Variants in PCDHGB3 observed in about 807,000 individuals in gnomAD.
PCDHGB3 encodes the protein protocadherin gamma subfamily B, 3, also known as protocadherin gamma-B3.
A neutral mutation model predicts 59.2 loss-of-function variants in PCDHGB3; 40 were observed. The observed-to-expected ratio is 0.68, with a 90% CI of 0.52 to 0.88. The LOEUF (loss-of-function observed/expected upper bound fraction) is 0.88. Among genes scored for constraint, PCDHGB3 ranks in the 40% least tolerant of loss-of-function variants. The pLI, the probability that PCDHGB3 is intolerant of heterozygous loss-of-function variation, is 0.00. For missense variants in PCDHGB3, 1,309 were observed against 1,187.9 expected (o/e 1.10, Z -1.50); for synonymous variants, 581 against 503.6 (o/e 1.15, Z -2.06).
At chr5:141,419,542 G>C (rs771168003) in intron 1 of PCDHGB3, 3 of 1,612,016 alleles carry the variant, frequency 1.9e-6, no homozygotes, top group South Asian at 2.2e-5. Flanking sequence ...ACGCACCGCG[G>C]GTGCTGTACC....
Position 141,490,743 on chromosome 5 carries a change from C to T in PCDHGB3, c.2416-4064C>T, listed in dbSNP as rs1011278142. 7.4e-6 allele frequency: 12 copies of T among 1,614,058 alleles called. No homozygotes were observed. The highest frequency in any genetic ancestry group is 1.0e-5 in the Non-Finnish European group (12 of 1,180,038). On this transcript the variant is annotated intron_variant, in intron 1 of 3. Transcript: ENST00000576222. This position sits in a 1 kb window ranked among gnomAD's most constrained non-coding sequence, Gnocchi z 5.4. ...TTGTAGGAAATCAGGTTCAGGGAGC[C>T]CCAGCCTCCTCCTTTGTGTATGTCA...
Position 141,370,773 on chromosome 5 carries a change from A to G in PCDHGB3, c.379A>G (p.Asn127Asp). 1.2e-6 allele frequency: 2 copies of G among 1,614,002 alleles called. No homozygotes were observed. Among genetic ancestry groups the G allele is most frequent in the Non-Finnish European group, 1.7e-6 (2 of 1,179,898 alleles). Residue 127 changes from asparagine (N) to aspartate (D), a missense_variant, in exon 1 of 4, where the codon AAC becomes GAC. Physicochemically the swap from Asn to Asp is conservative, Grantham distance 23. Transcript: ENST00000576222. ...TGTAACTGTGCTGATCCAGGATATT[A>G]ACGACAACCCACCGACCTTTAGCCA... ...FHVTVLIQDI[N>D]DNPPTFSQNI...
At position 141,490,208 on chromosome 5, in the gene PCDHGB3, G is replaced by A. The variant is rs745796427; in HGVS notation, c.2416-4599G>A. On this transcript the variant is annotated intron_variant, in intron 1 of 3. Coordinates refer to ENST00000576222, the MANE Select transcript of PCDHGB3 (RefSeq NM_018924.5). The surrounding 1 kb of genome is among the most constrained non-coding windows in gnomAD (Gnocchi z 5.4). ...TTCTATGAAATTCATGCAAGAGCCC[G>A]TGACCAGGGACAGCCTGCCATGGAG... 44 of 1,614,120 alleles carry A rather than the reference G, an allele frequency of 2.7e-5. No individual in the cohort carries two copies. The Admixed American group carries it at 4.5e-4, about 17-fold the overall frequency.
In PCDHGB3 at chr5:141,389,258, C is replaced by T. The variant is rs373970987; in HGVS notation, c.2415+16449C>T. The stretch of plus-strand genomic sequence containing the variant: ...TCTCACAGTCTTCCTATATAGTCCA[C>T]GTGGCCGAGAACAACCCGCCTGGAG... On this transcript the variant is annotated intron_variant, in intron 1 of 3. Coordinates refer to ENST00000576222, the MANE Select transcript of PCDHGB3 (RefSeq NM_018924.5). 4 of 1,614,022 alleles carry T rather than the reference C, an allele frequency of 2.5e-6. No homozygotes were observed. The African/African-American group carries it at 4.0e-5, about 16-fold the overall frequency.
At chr5:141,392,956 T>A (rs769377200) in intron 1 of PCDHGB3, 3 of 1,613,820 alleles carry the variant, frequency 1.9e-6, no homozygotes, top group South Asian at 1.1e-5. Context: ...GTGGGTAATA[T>A]CTCCAAGGAC....
rs377701820 is a variant in PCDHGB3 at position 141,422,031 on chromosome 5, G to A, written c.2415+49222G>A. On this transcript the variant is annotated intron_variant, in intron 1 of 3. Coordinates refer to ENST00000576222, the MANE Select transcript of PCDHGB3 (RefSeq NM_018924.5). ...CTCGGGTGCTGATGGTTAATGCAAC[G>A]GATCCAGACGAGGGAATCAACGGGG... 127 of 1,610,494 alleles carry A rather than the reference G, an allele frequency of 7.9e-5. No individual in the cohort carries two copies. In the East Asian group the frequency reaches 2.4e-3, roughly 31 times the overall value.
intron 1 of PCDHGB3, chr5:141,417,867 G>C (rs1182017096): frequency 1.9e-6 from 3 of 1,552,610 alleles, no homozygotes; most frequent in African/African-American, 2.7e-5. Flanking sequence ...ACGATGGGAG[G>C]GAGCTGCGCG....
Position 141,371,830 on chromosome 5 carries a change from C to A in PCDHGB3, c.1436C>A (p.Pro479His). 6.2e-7 allele frequency: 1 copy of A among 1,613,814 alleles called. No individual in the cohort carries two copies. Residue 479 changes from proline (P) to histidine (H), a missense_variant, in exon 1 of 4, where the codon CCC (proline) becomes CAC (histidine). Transcript: ENST00000576222. The stretch of plus-strand genomic sequence containing the variant: ...ATTGCGCATGTCAGAGCCTCGGATC[C>A]CGACTTGGGACCTAATGGCCTTGTC... ...ASIAHVRASD[P>H]DLGPNGLVSY...
intron 1 of PCDHGB3, among the ~76,000 whole-genome samples, chr5:141,434,766 A>T (rs1383531828): frequency 1.3e-5 from 2 of 151,012 alleles, no homozygotes; most frequent in Non-Finnish European, 3.0e-5. Context: ...CCCACTTCAC[A>T]CTTCTAAAAA....
chr5:141,411,724 A>G (rs2095509404), intron 1 of PCDHGB3: 1 of 152,684 alleles, frequency 6.5e-6, no homozygotes, highest in South Asian at 2.1e-4. Flanking sequence ...GCTACAGAAC[A>G]TTTAAAAATT....
At chr5:141,387,999 G>A (rs923312530) in intron 1 of PCDHGB3, 2 of 1,487,266 alleles carry the variant, frequency 1.3e-6, no homozygotes, top group Non-Finnish European at 1.8e-6. Flanking sequence ...CAGGATTCCC[G>A]AGGAAATGCC....
intron 1 of PCDHGB3, chr5:141,415,772 T>C (rs540545854): frequency 4.5e-6 from 6 of 1,336,628 alleles, no homozygotes; most frequent in African/African-American, 1.8e-5. Context: ...TTTTTTTTTT[T>C]ACTTTCTGGT....
rs766092387 is a variant in PCDHGB3 at position 141,491,171 on chromosome 5, T to C, written c.2416-3636T>C. 7.4e-6 allele frequency: 12 copies of C among 1,613,968 alleles called. No individual in the cohort carries two copies. The highest frequency in any genetic ancestry group is 1.3e-5 in the African/African-American group (1 of 74,904). On this transcript the variant is annotated intron_variant, in intron 1 of 3. Coordinates refer to ENST00000576222, the MANE Select transcript of PCDHGB3 (RefSeq NM_018924.5). The surrounding 1 kb of genome is among the most constrained non-coding windows in gnomAD (Gnocchi z 6.9). The stretch of plus-strand genomic sequence containing the variant: ...GAGGATGACTCTGACACCCAGCAGG[T>C]GGTGGTCCTGGTGAGGGACAATGGT...
chr5:141,490,010 T>C lies in PCDHGB3; in HGVS notation c.2416-4797T>C, dbSNP rs749356078. On this transcript the variant is annotated intron_variant, in intron 1 of 3. Coordinates refer to ENST00000576222, the MANE Select transcript of PCDHGB3 (RefSeq NM_018924.5). The surrounding 1 kb of genome is among the most constrained non-coding windows in gnomAD (Gnocchi z 5.4). ...GTGGGAATCCCAGAGAATGCACCCA[T>C]TGGTACTCTGCTGCTCCGCCTCAAT... 11 of 1,614,198 alleles carry C rather than the reference T, an allele frequency of 6.8e-6. No homozygotes were observed. The highest frequency in any genetic ancestry group is 2.2e-5 in the South Asian group (2 of 91,082).
chr5:141,387,670 C>T, intron 1 of PCDHGB3: 1 of 694,130 alleles, frequency 1.4e-6, no homozygotes, highest in Non-Finnish European at 2.3e-6. Flanking sequence ...CGCTCCAGAT[C>T]TCCTCGCGCA....
intron 2 of PCDHGB3, among the ~76,000 whole-genome samples, chr5:141,499,214 C>T (rs1228581603): frequency 6.6e-6 from 1 of 152,074 alleles, no homozygotes; most frequent in Non-Finnish European, 1.5e-5. Flanking sequence ...TAACCCAGGC[C>T]CTGCCCTGCA....
chr5:141,483,736 G>A (rs1296877404), intron 1 of PCDHGB3, among the ~76,000 whole-genome samples: 1 of 152,110 alleles, frequency 6.6e-6, no homozygotes, highest in Non-Finnish European at 1.5e-5. Flanking sequence ...ATAGTCAAAA[G>A]GATATTCCTG....
intron 1 of PCDHGB3, chr5:141,403,954 C>A: frequency 6.2e-7 from 1 of 1,613,800 alleles, no homozygotes; most frequent in Non-Finnish European, 8.5e-7. Flanking sequence ...CAAAAGTGCT[C>A]ATTTCGGTGG....
intron 1 of PCDHGB3, chr5:141,399,663 G>C: frequency 6.2e-7 from 1 of 1,613,624 alleles, no homozygotes; most frequent in Non-Finnish European, 8.5e-7. Context: ...TGGTGTTCGC[G>C]CAGCGCGCCT....
Sources: gnomAD v4.1 joint callset for allele counts (sites outside exome capture counted in the v4.1 genomes callset) on GRCh38, gnomAD v4.1.1 for gene constraint, Gnocchi (gnomAD v3.1) non-coding constraint, MANE v1.5 for transcripts, NCBI Gene and HGNC (gene_info 2026-07-23, HGNC 2026-07-21) for gene names.